Variants in LDLRAD3 observed in about 807,000 individuals in gnomAD.
LDLRAD3 encodes the protein low density lipoprotein receptor class A domain containing 3, also known as low-density lipoprotein receptor class A domain-containing protein 3.
LDLRAD3 carries 20 observed loss-of-function variants against 29.4 expected under a neutral mutation model. The observed-to-expected ratio is 0.68, with a 90% confidence interval of 0.48 to 0.99. LDLRAD3 has a LOEUF of 0.99. LDLRAD3 is among the 50% of genes least tolerant of loss of function. The probability of loss-of-function intolerance (pLI) is 0.00; values close to 1 mark genes in which losing one functional copy is unlikely to be tolerated. For missense variants in LDLRAD3, 420 were observed against 454.3 expected (o/e 0.92, Z 0.69); for synonymous variants, 157 against 192.7 (o/e 0.81, Z 1.53).
intron 4 of LDLRAD3, chr11:36,163,645 C>T (rs1416208906): frequency 2.7e-5 from 4 of 148,064 alleles, no homozygotes; most frequent in Non-Finnish European, 6.0e-5. Flanking sequence ...TTTGATAACC[C>T]ACTTGAGTGT....
At chr11:36,075,303 G>A (rs200107952) in intron 2 of LDLRAD3, among the ~76,000 whole-genome samples, 2 of 151,854 alleles carry the variant, frequency 1.3e-5, no homozygotes, top group Admixed American at 1.3e-4. Context: ...CATTTCATAT[G>A]CCTTTCACTG....
chr11:36,130,021 C>T (rs79087293), intron 4 of LDLRAD3, among the ~76,000 whole-genome samples: 3,397 of 152,262 alleles, frequency 0.022, 120 homozygotes, highest in African/African-American at 0.078. Flanking sequence ...ATAGTGGTGC[C>T]TGGAACTCAG....
At chr11:36,126,287 C>T (rs1000957719) in intron 4 of LDLRAD3, among the ~76,000 whole-genome samples, 1 of 152,126 alleles carries the variant, frequency 6.6e-6, no homozygotes, top group African/African-American at 2.4e-5. Context: ...AGTTCCTGGG[C>T]GTGAATCTGC....
At chr11:36,150,403 C>T (rs576696243) in intron 4 of LDLRAD3, among the ~76,000 whole-genome samples, 1 of 152,192 alleles carries the variant, frequency 6.6e-6, no homozygotes, top group South Asian at 2.1e-4. Flanking sequence ...TACCACACGC[C>T]TGTAGTCCCA....
intron 2 of LDLRAD3, among the ~76,000 whole-genome samples, chr11:36,045,290 G>C (rs1248602944): frequency 6.6e-6 from 1 of 152,122 alleles, no homozygotes; most frequent in Admixed American, 6.5e-5. Context: ...TGAAGATGTT[G>C]GTAATTTTAC....
chr11:35,985,874 T>C (rs1049103083), intron 1 of LDLRAD3, among the ~76,000 whole-genome samples: 2 of 151,568 alleles, frequency 1.3e-5, no homozygotes, highest in Non-Finnish European at 2.9e-5. Context: ...TTACCCAGTC[T>C]CGGGTATGTC....
intron 4 of LDLRAD3, among the ~76,000 whole-genome samples, chr11:36,187,666 G>A (rs190766678): frequency 1.6e-4 from 25 of 152,238 alleles, no homozygotes; most frequent in Admixed American, 3.3e-4. Flanking sequence ...ATAAAATCTT[G>A]GATTCTGGGT....
intron 1 of LDLRAD3, among the ~76,000 whole-genome samples, chr11:35,945,242 G>A (rs1851041856): frequency 6.6e-6 from 1 of 152,188 alleles, no homozygotes. Flanking sequence ...GTGGCCTGTG[G>A]GTTTGCTAAG....
In LDLRAD3 at chr11:36,046,752, C is replaced by T. The variant is rs1258151943; in HGVS notation, c.193+10503C>T. Among the ~76,000 whole-genome samples the T allele has an allele frequency of 2.0e-5, 3 of 152,156 alleles. No individual in the cohort carries two copies. In the East Asian group the frequency reaches 5.8e-4, roughly 29 times the overall value. Reference sequence around the variant, plus strand: ...TTTGCAAACTTAGCTGCCTGGTGGTCCCCAAGCTGTGTGGATGCTCACTGC... The same window carrying T: ...TTTGCAAACTTAGCTGCCTGGTGGTTCCCAAGCTGTGTGGATGCTCACTGC... On this transcript the variant is annotated intron_variant, in intron 2 of 5. Coordinates refer to ENST00000315571, the MANE Select transcript of LDLRAD3 (RefSeq NM_174902.4).
At chr11:36,057,048 G>C (rs567949485) in intron 2 of LDLRAD3, among the ~76,000 whole-genome samples, 49 of 152,172 alleles carry the variant, frequency 3.2e-4, no homozygotes, top group Non-Finnish European at 5.7e-4. Context: ...AGGGTCTAGA[G>C]TTTATGATTT....
At chr11:35,945,093 G>T (rs1851039969) in intron 1 of LDLRAD3, among the ~76,000 whole-genome samples, 1 of 152,204 alleles carries the variant, frequency 6.6e-6, no homozygotes, top group South Asian at 2.1e-4. Context: ...GGCATCTGAT[G>T]CCTAGAATGT....
At chr11:36,200,202 A>T (rs1855107181) in intron 4 of LDLRAD3, among the ~76,000 whole-genome samples, 1 of 152,134 alleles carries the variant, frequency 6.6e-6, no homozygotes, top group Non-Finnish European at 1.5e-5. Context: ...AAAACAGACC[A>T]GGTGGCTTAA....
intron 1 of LDLRAD3, chr11:36,010,186 G>T (rs1265409247): frequency 6.5e-6 from 1 of 154,382 alleles, no homozygotes; most frequent in South Asian, 2.0e-4. Flanking sequence ...TGCAAACAAA[G>T]TACAGCATTA....
rs557730377 is a variant in LDLRAD3, at chr11:36,145,224, C to CT, written c.454+46763_454+46764insT. Among the ~76,000 whole-genome samples the CT allele has an allele frequency of 5.2e-3, 64 of 12,216 alleles. 2 individuals are homozygous for CT. Among genetic ancestry groups the CT allele is most frequent in the African/African-American group, 8.3e-3 (40 of 4,840 alleles). 8.0% of individuals were successfully genotyped at this position (12,216 alleles called of 152,430 possible). ...GGAGGTGGGGGGGTCAGCCCCCCAC[C>CT]CGCCAGCCGCCCCGTCCGGGAGGGA... On this transcript the variant is annotated intron_variant, in intron 4 of 5. Coordinates refer to ENST00000315571, the MANE Select transcript of LDLRAD3 (RefSeq NM_174902.4).
At chr11:36,186,033 C>T (rs1854842963) in intron 4 of LDLRAD3, among the ~76,000 whole-genome samples, 2 of 152,190 alleles carry the variant, frequency 1.3e-5, no homozygotes, top group African/African-American at 4.8e-5. Context: ...CACTTTAAAA[C>T]CCTGGTCTGC....
chr11:36,107,384 C>T (rs1028576993), intron 4 of LDLRAD3, among the ~76,000 whole-genome samples: 35 of 151,926 alleles, frequency 2.3e-4, no homozygotes, highest in African/African-American at 4.4e-4. Flanking sequence ...TTAGTAGAGA[C>T]GGGGTTTCAC....
chr11:36,029,299 A>G (rs1852206107), intron 1 of LDLRAD3, among the ~76,000 whole-genome samples: 1 of 152,110 alleles, frequency 6.6e-6, no homozygotes, highest in Admixed American at 6.5e-5. Flanking sequence ...TGCCATGTGT[A>G]TGTGTTTCCG....
intron 4 of LDLRAD3, among the ~76,000 whole-genome samples, chr11:36,183,212 C>T (rs1048991356): frequency 1.3e-5 from 2 of 152,126 alleles, no homozygotes; most frequent in Non-Finnish European, 2.9e-5. Flanking sequence ...TTGGGAGACA[C>T]TTCACAAGCT....
At chr11:36,025,664 C>T (rs1340173822) in intron 1 of LDLRAD3, among the ~76,000 whole-genome samples, 1 of 151,736 alleles carries the variant, frequency 6.6e-6, no homozygotes, top group Non-Finnish European at 1.5e-5. Context: ...GCTGGGATTA[C>T]AGGTGTGAGC....
Sources: allele counts gnomAD v4.1 joint callset (sites outside exome capture counted in the v4.1 genomes callset), GRCh38; gene constraint gnomAD v4.1.1; transcripts MANE v1.5; gene names NCBI Gene and HGNC (gene_info 2026-07-23, HGNC 2026-07-21).